Variants in KMT2E observed in about 807,000 individuals in gnomAD.
KMT2E encodes the protein histone reader KMT2E.
KMT2E carries 30 observed loss-of-function variants against 184.6 expected under a neutral mutation model. The ratio of observed to expected loss-of-function variants is 0.16; its 90% CI spans 0.12 to 0.22. The LOEUF is 0.22. Ranked by LOEUF, KMT2E falls within the 10% of genes least tolerant of loss-of-function variation. KMT2E has a pLI of 1.00. For synonymous variants in KMT2E, 815 were observed against 776.5 expected, an observed-to-expected ratio of 1.05 and a Z score of -0.82; for missense variants, 2,023 against 2,237.4, an observed-to-expected ratio of 0.90 and a Z score of 1.93.
chr7:105,103,265 G>A (rs1798736478), intron 17 of KMT2E: 1 of 152,172 alleles, frequency 6.6e-6, no homozygotes, highest in Non-Finnish European at 1.5e-5. Flanking sequence ...CCTGGTCTGA[G>A]ATGTAGGCTT....
At chr7:105,042,037 A>T (rs1244418945) in intron 3 of KMT2E, among the ~76,000 whole-genome samples, 3 of 152,108 alleles carry the variant, frequency 2.0e-5, no homozygotes, top group Admixed American at 2.0e-4. Context: ...TCACTCTGTC[A>T]TCCAGGCTGG....
At chr7:105,085,827 CCTGA>C (rs755788731) in intron 13 of KMT2E, among the ~76,000 whole-genome samples, 12 of 151,944 alleles carry the variant, frequency 7.9e-5, no homozygotes, top group Non-Finnish European at 1.3e-4. Flanking sequence ...CGCCACCATG[CCTGA>C]CTAATTTTGT....
intron 15 of KMT2E, among the ~76,000 whole-genome samples, chr7:105,097,379 G>A (rs886346553): frequency 1.2e-4 from 19 of 152,078 alleles, no homozygotes; most frequent in Admixed American, 1.2e-3. Context: ...AAGGGAACCT[G>A]TTTATTATTT....
chr7:105,076,011 G>T (rs183978009), intron 8 of KMT2E, 32 bp from the exon 9 acceptor site: 2 of 1,535,502 alleles, frequency 1.3e-6, no homozygotes, highest in Admixed American at 1.7e-5. Flanking sequence ...CAGTTTTTTA[G>T]GAAACTAACT....
intron 1 of KMT2E, among the ~76,000 whole-genome samples, chr7:105,035,022 A>AT (rs981054177): frequency 0.01 from 1,338 of 129,708 alleles, 10 homozygotes; most frequent in Admixed American, 0.021. Context: ...CACCTGGCTA[A>AT]TTTTTTTTTT....
At chr7:105,094,426 C>G (rs2129569076) in intron 15 of KMT2E, among the ~76,000 whole-genome samples, 1 of 152,256 alleles carries the variant, frequency 6.6e-6, no homozygotes, top group East Asian at 1.9e-4. Flanking sequence ...TTTCCAGGAC[C>G]AGAAATTTTC....
At chr7:105,062,325 T>C in intron 4 of KMT2E, 47 bp downstream of exon 4, 2 of 1,318,646 alleles carry the variant, frequency 1.5e-6, no homozygotes, top group Non-Finnish European at 2.2e-6. Flanking sequence ...AATTTAGAGA[T>C]TGAAAGTAGA....
At chr7:105,045,996 T>A (rs534618931) in intron 3 of KMT2E, among the ~76,000 whole-genome samples, 1 of 152,288 alleles carries the variant, frequency 6.6e-6, no homozygotes, top group Admixed American at 6.5e-5. Context: ...CCTGGAGATG[T>A]CATCTACTTC....
At chr7:105,094,953 T>C (rs1357459692) in intron 15 of KMT2E, among the ~76,000 whole-genome samples, 2 of 152,236 alleles carry the variant, frequency 1.3e-5, no homozygotes, top group African/African-American at 4.8e-5. Flanking sequence ...TCTACTGTAC[T>C]TCACCCTATC....
chr7:105,019,642 G>T (rs922587457), intron 1 of KMT2E, among the ~76,000 whole-genome samples: 56 of 152,034 alleles, frequency 3.7e-4, no homozygotes, highest in African/African-American at 1.3e-3. Flanking sequence ...TGAAATCTGG[G>T]TTTAGAAAGG....
intron 3 of KMT2E, among the ~76,000 whole-genome samples, chr7:105,041,909 T>C (rs1795899381): frequency 6.6e-6 from 1 of 152,238 alleles, no homozygotes; most frequent in Non-Finnish European, 1.5e-5. Flanking sequence ...TTTGTACTAA[T>C]TGGAGGTGCT....
intron 1 of KMT2E, among the ~76,000 whole-genome samples, chr7:105,027,069 G>A (rs951538502): frequency 2.4e-3 from 326 of 133,744 alleles, no homozygotes; most frequent in African/African-American, 8.8e-3. Context: ...GAAAGGCCCC[G>A]CCCTCTTTTT....
At chr7:105,043,988 C>T (rs928310256) in intron 3 of KMT2E, among the ~76,000 whole-genome samples, 4 of 152,080 alleles carry the variant, frequency 2.6e-5, no homozygotes, top group Non-Finnish European at 4.4e-5. Context: ...GTCCCAGCTA[C>T]TTGGGAGGCT....
In KMT2E at chr7:105,112,301, T is replaced by A. The variant is rs539717419; in HGVS notation, c.4545T>A (p.Ser1515=). ...CAGCCAATACTCAGCAGGCAACTTC[T>A]GGAACATTATTTACACAGACACCCT... ...NLPANTQQAT[S]GTLFTQTPSG... The change falls in exon 27 of 27, where the codon TCT becomes TCA. Residue 1515 remains serine, a synonymous_variant. Transcript: ENST00000311117. 16 of 1,614,000 alleles carry A rather than the reference T, an allele frequency of 9.9e-6. No homozygotes were observed. The South Asian group carries it at 1.5e-4, about 16-fold the overall frequency.
intron 12 of KMT2E, among the ~76,000 whole-genome samples, chr7:105,080,442 C>G (rs919777560): frequency 1.2e-4 from 18 of 151,282 alleles, no homozygotes; most frequent in African/African-American, 4.1e-4. Context: ...GCCATGTTGC[C>G]CAGGCTGGCC....
intron 3 of KMT2E, among the ~76,000 whole-genome samples, chr7:105,060,886 A>G (rs894667315): frequency 2.6e-5 from 4 of 152,238 alleles, no homozygotes; most frequent in South Asian, 4.1e-4. Context: ...CATTTAGCCT[A>G]GGTGTATAGT....
chr7:105,023,402 C>CAAAAAAAAAAAAAAA (rs1158885663), intron 1 of KMT2E, among the ~76,000 whole-genome samples: 1 of 55,922 alleles, frequency 1.8e-5, no homozygotes, highest in Non-Finnish European at 3.4e-5. Context: ...GACTCTGTCT[C>CAAAAAAAAAAAAAAA]AAAAAAAAAA....
chr7:105,092,455 C>A (rs1042008590), intron 15 of KMT2E, among the ~76,000 whole-genome samples: 2 of 152,096 alleles, frequency 1.3e-5, no homozygotes, highest in Non-Finnish European at 2.9e-5. Context: ...CTGTTTGTAT[C>A]ACCTTGATAG....
intron 6 of KMT2E, among the ~76,000 whole-genome samples, chr7:105,067,435 T>C (rs920055526): frequency 6.6e-6 from 1 of 152,246 alleles, no homozygotes; most frequent in Non-Finnish European, 1.5e-5. Flanking sequence ...CTTTTTATTA[T>C]GGACATTTCA....
Sources: allele counts gnomAD v4.1 joint callset (sites outside exome capture counted in the v4.1 genomes callset), GRCh38; gene constraint gnomAD v4.1.1; transcripts MANE v1.5; gene names NCBI Gene and HGNC (gene_info 2026-07-23, HGNC 2026-07-21).